The following ABCC8 variants were observed in gnomAD, a reference collection of about 807,000 sequenced individuals.
ABCC8 encodes the protein ATP binding cassette subfamily C member 8.
Under a neutral mutation model 188.0 loss-of-function variants are expected in ABCC8, and 137 were observed. The observed-to-expected ratio is 0.73, with a 90% CI of 0.63 to 0.84. The LOEUF is 0.84. ABCC8 is among the 40% of genes least tolerant of loss of function. ABCC8 has a pLI of 0.00. For missense variants in ABCC8, 1,750 were observed against 2,072.7 expected, an observed-to-expected ratio of 0.84 and a Z score of 3.02; for synonymous variants, 797 against 846.5, an observed-to-expected ratio of 0.94 and a Z score of 1.01.
At chr11:17,441,681 A>C (rs1956321382) in intron 10 of ABCC8, among the ~76,000 whole-genome samples, 2 of 152,146 alleles carry the variant, frequency 1.3e-5, no homozygotes, top group Admixed American at 1.3e-4. Flanking sequence ...CTGTGAGATA[A>C]ACTTGGGCCA....
chr11:17,435,875 C>T (rs79049059), intron 10 of ABCC8: 11 of 1,266,700 alleles, frequency 8.7e-6, no homozygotes, highest in Admixed American at 1.7e-5. Flanking sequence ...AGGGACTTCA[C>T]GCATTCCAAA....
chr11:17,405,707 C>A, intron 26 of ABCC8, 144 bp from the exon 27 acceptor site: 1 of 1,498,232 alleles, frequency 6.7e-7, no homozygotes, highest in Non-Finnish European at 9.0e-7. Flanking sequence ...AGACATCTGG[C>A]CTGTATCCCC....
At chr11:17,414,682 A>G (rs1591765422) in intron 18 of ABCC8, 72 bp from the exon 19 acceptor site, 1 of 1,604,320 alleles carries the variant, frequency 6.2e-7, no homozygotes, top group Non-Finnish European at 8.5e-7. Context: ...GGCAGTTGTC[A>G]AGCTGATGGC....
intron 36 of ABCC8, 147 bp downstream of exon 36, chr11:17,395,025 C>A: frequency 9.6e-7 from 1 of 1,044,288 alleles, no homozygotes; most frequent in South Asian, 1.5e-5. Context: ...TCTCTGGGCC[C>A]CCGTATAGTG....
In ABCC8 at chr11:17,442,801, T is replaced by A; in HGVS notation, c.1549A>T (p.Ile517Phe). The change falls in exon 10 of 39, where the codon ATC becomes TTC. Residue 517 changes from isoleucine to phenylalanine, a missense_variant. Coordinates refer to ENST00000389817, the MANE Select transcript of ABCC8 (RefSeq NM_000352.6). The stretch of plus-strand genomic sequence containing the variant: ...GTCGTCTCCACCCGCGTGCGGAAGA[T>A]GTTCTCCCAGGCGTACAGCTTCAGC... ...KLLKLYAWEN[I>F]FRTRVETTRR... 6.2e-7 allele frequency: 1 copy of A among 1,614,100 alleles called. No individual in the cohort carries two copies. The highest frequency in any genetic ancestry group is 8.5e-7 in the Non-Finnish European group (1 of 1,180,030).
chr11:17,472,407 A>G (rs1197649505), intron 2 of ABCC8, among the ~76,000 whole-genome samples: 1 of 152,252 alleles, frequency 6.6e-6, no homozygotes, highest in Non-Finnish European at 1.5e-5. Flanking sequence ...TACCCAAAGG[A>G]AGAGGGGAAG....
At position 17,430,971 on chromosome 11, in the gene ABCC8, G is replaced by A. The variant is rs1253355355; in HGVS notation, c.1672-12C>T. Reference sequence around the variant, plus strand: ...TGGCCCACGAAAGTCTGTGGACAGAGGCACAAGTGAGGCCAGGGTGGCCCA... The same window carrying A: ...TGGCCCACGAAAGTCTGTGGACAGAAGCACAAGTGAGGCCAGGGTGGCCCA... On this transcript the variant is annotated splice_polypyrimidine_tract_variant and intron_variant, in intron 11 of 38. Transcript: ENST00000389817. 3 of 1,613,790 alleles carry A rather than the reference G, an allele frequency of 1.9e-6. No individual in the cohort carries two copies. Among genetic ancestry groups the A allele is most frequent in the East Asian group, 2.2e-5 (1 of 44,878 alleles).
At chr11:17,423,209 T>C (rs371866725) in intron 16 of ABCC8, among the ~76,000 whole-genome samples, 1 of 151,678 alleles carries the variant, frequency 6.6e-6, no homozygotes. Context: ...ATACAAAAAA[T>C]TAGCCGGCAT....
rs59944257 is a variant in ABCC8 at position 17,431,869 on chromosome 11, C to A, written c.1671+335G>T. On this transcript the variant is annotated intron_variant, in intron 11 of 38. Coordinates refer to ENST00000389817, the MANE Select transcript of ABCC8 (RefSeq NM_000352.6). ...AGTGGGATTATGGGTGATTTTAATT[C>A]TCTTTGAGCTTTCTGTTCTGGATTT... Among the ~76,000 whole-genome samples the A allele has an allele frequency of 3.5e-3, 530 of 152,332 alleles. 2 individuals carry two copies. The highest frequency in any genetic ancestry group is 0.012 in the African/African-American group (505 of 41,578).
At chr11:17,473,204 C>T (rs1160916971) in intron 2 of ABCC8, among the ~76,000 whole-genome samples, 1 of 151,844 alleles carries the variant, frequency 6.6e-6, no homozygotes, top group Non-Finnish European at 1.5e-5. Context: ...TCTCTGTCAC[C>T]ATCTGGTGAG....
intron 7 of ABCC8, among the ~76,000 whole-genome samples, chr11:17,452,167 GAC>G (rs1564962919): frequency 6.6e-6 from 1 of 152,182 alleles, no homozygotes; most frequent in African/African-American, 2.4e-5. Flanking sequence ...CTGGGACTTG[GAC>G]AACTCTCATC....
chr11:17,400,877 A>T (rs1463335722), intron 29 of ABCC8, among the ~76,000 whole-genome samples: 1 of 152,258 alleles, frequency 6.6e-6, no homozygotes, highest in African/African-American at 2.4e-5. Flanking sequence ...GGCATACAGT[A>T]AGTGGGCAAT....
intron 20 of ABCC8, 190 bp from the exon 21 acceptor site, chr11:17,412,936 C>T: frequency 7.7e-7 from 1 of 1,292,372 alleles, no homozygotes; most frequent in Non-Finnish European, 1.0e-6. Flanking sequence ...CAGCATGAGC[C>T]CCAAGTCTTT....
rs61880314 is a variant in ABCC8 at position 17,428,990 on chromosome 11, G to C, written c.1818-320C>G. On this transcript the variant is annotated intron_variant, in intron 12 of 38. Coordinates refer to ENST00000389817, the MANE Select transcript of ABCC8 (RefSeq NM_000352.6). ...TTGGTGTTGGATTGGTCAGGGTTAA[G>C]GTTAGTTAGGACTAGGATTGGTAAA... The C allele has an allele frequency of 6.4e-3, 2,796 of 438,892 alleles. 28 individuals carry two copies. Among genetic ancestry groups the C allele is most frequent in the Middle Eastern group, 0.014 (22 of 1,560 alleles). The allele number at this position is 438,892 out of a possible 1,614,324, so 27.2% of individuals were successfully genotyped here.
intron 12 of ABCC8, 92 bp from the exon 13 acceptor site, chr11:17,428,762 C>G: frequency 6.4e-7 from 1 of 1,569,696 alleles, no homozygotes; most frequent in Non-Finnish European, 8.6e-7. Context: ...TGAGCAGGAT[C>G]TCAGGCCTGA....
Position 17,410,583 on chromosome 11 carries a change from A to C in ABCC8, c.2627T>G (p.Leu876Arg). The stretch of plus-strand genomic sequence containing the variant: ...GACCACTGTCCTCTTGTCGTCCCGG[A>C]GCAGCTCAAGGATGCCGGCCTGCAT... ...HLMQAGILEL[L>R]RDDKRTVVLV... is the part of the protein sequence containing the mutation. The change falls in exon 22 of 39, where the codon CTC becomes CGC. Residue 876 changes from leucine (L) to arginine (R), a missense_variant. Leu to Arg is a moderately radical substitution (Grantham distance 102). Coordinates refer to ENST00000389817, the MANE Select transcript of ABCC8 (RefSeq NM_000352.6). The C allele has an allele frequency of 6.2e-7, 1 of 1,614,086 alleles. No homozygotes were observed. Among genetic ancestry groups the C allele is most frequent in the Non-Finnish European group, 8.5e-7 (1 of 1,180,020 alleles).
rs1195872819 is a variant in ABCC8, at chr11:17,395,738, G to A, written c.4199-20C>T. The A allele has an allele frequency of 5.2e-6, 8 of 1,552,660 alleles. No individual in the cohort carries two copies. Among genetic ancestry groups the A allele is most frequent in the Admixed American group, 2.0e-5 (1 of 51,054 alleles). On this transcript the variant is annotated intron_variant, in intron 34 of 38. Transcript: ENST00000389817. ...TGTGCCCTGCATGGGTCCCAGTGAG[G>A]GTGCAGGGGAAGGCGGTGACTGCTG...
intron 8 of ABCC8, 79 bp from the exon 9 acceptor site, chr11:17,443,391 C>G: frequency 6.2e-7 from 1 of 1,608,772 alleles, no homozygotes; most frequent in Non-Finnish European, 8.5e-7. Flanking sequence ...TCCCTGTTTC[C>G]CCAGTCCCCT....
At chr11:17,448,958 G>A (rs1437138738) in intron 7 of ABCC8, among the ~76,000 whole-genome samples, 2 of 152,008 alleles carry the variant, frequency 1.3e-5, no homozygotes, top group East Asian at 1.9e-4. Context: ...ACAGAGTCTC[G>A]CTCTGCTTCC....
Sources: gnomAD v4.1 joint callset for allele counts (sites outside exome capture counted in the v4.1 genomes callset) on GRCh38, gnomAD v4.1.1 for gene constraint, MANE v1.5 for transcripts, NCBI Gene and HGNC (gene_info 2026-07-23, HGNC 2026-07-21) for gene names.